Variants in AGBL1 observed in about 807,000 individuals in gnomAD.
AGBL1 encodes the protein AGBL carboxypeptidase 1.
In AGBL1, 130 loss-of-function variants were observed where a neutral mutation model predicts 118.9. The ratio of observed to expected loss-of-function variants is 1.09; its 90% confidence interval spans 0.95 to 1.26. The LOEUF is 1.26. Among genes scored for constraint, AGBL1 ranks in the 50% most tolerant of loss-of-function variants. AGBL1 has a pLI of 0.00. For synonymous variants in AGBL1, 555 were observed against 478.9 expected (o/e 1.16, Z -2.08); for missense variants, 1,584 against 1,298.1 (o/e 1.22, Z -3.38).
chr15:86,856,050 T>C (rs2079475266), intron 22 of AGBL1, among the ~76,000 whole-genome samples: 3 of 152,234 alleles, frequency 2.0e-5, no homozygotes, highest in Non-Finnish European at 4.4e-5. Context: ...ATGTACCCTC[T>C]CACAGTCCCT....
At chr15:86,569,721 A>G (rs2083974283) in intron 21 of AGBL1, among the ~76,000 whole-genome samples, 1 of 152,234 alleles carries the variant, frequency 6.6e-6, no homozygotes, top group Non-Finnish European at 1.5e-5. Context: ...ATAAAAATCA[A>G]GAGGCAGAGA....
intron 22 of AGBL1, among the ~76,000 whole-genome samples, chr15:86,872,586 TCTACTAAAAATAGAAAAAAATTAG>T (rs1423917549): frequency 6.6e-6 from 1 of 151,990 alleles, no homozygotes; most frequent in East Asian, 1.9e-4. Context: ...AAACCCTGTC[TCTACTAAAAATAGAAAAAAATTAG>T]CTGGGTATGG....
intron 21 of AGBL1, among the ~76,000 whole-genome samples, chr15:86,643,508 C>T (rs973208472): frequency 3.0e-4 from 46 of 152,018 alleles, no homozygotes; most frequent in African/African-American, 7.7e-4. Flanking sequence ...AGAAATTTTA[C>T]GTATATTAGC....
At chr15:86,446,671 C>G (rs1487397091) in intron 18 of AGBL1, among the ~76,000 whole-genome samples, 1 of 152,146 alleles carries the variant, frequency 6.6e-6, no homozygotes, top group Admixed American at 6.5e-5. Context: ...GATTTCGACT[C>G]CCCTTAAAGA....
intron 22 of AGBL1, among the ~76,000 whole-genome samples, chr15:86,844,660 T>A (rs2079293653): frequency 6.6e-6 from 1 of 152,178 alleles, no homozygotes; most frequent in Non-Finnish European, 1.5e-5. Flanking sequence ...GTCTGTGGCT[T>A]GCATTTTATT....
intron 22 of AGBL1, among the ~76,000 whole-genome samples, chr15:86,862,547 C>T (rs1373940563): frequency 6.6e-6 from 1 of 152,064 alleles, no homozygotes; most frequent in African/African-American, 2.4e-5. Context: ...TGGTGGAAAC[C>T]CACCTCTACT....
chr15:86,368,282 G>C (rs2080921440), intron 17 of AGBL1, among the ~76,000 whole-genome samples: 1 of 151,848 alleles, frequency 6.6e-6, no homozygotes, highest in Non-Finnish European at 1.5e-5. Context: ...CAGACGGAGG[G>C]AGAGAGATAA....
At chr15:86,513,458 G>C (rs1257860548) in intron 18 of AGBL1, among the ~76,000 whole-genome samples, 1 of 151,944 alleles carries the variant, frequency 6.6e-6, no homozygotes, top group Non-Finnish European at 1.5e-5. Context: ...TGTTAACTTT[G>C]ATCATTTGAA....
At chr15:86,768,547 C>T (rs2078128474) in intron 22 of AGBL1, among the ~76,000 whole-genome samples, 1 of 151,810 alleles carries the variant, frequency 6.6e-6, no homozygotes, top group Non-Finnish European at 1.5e-5. Context: ...GCTTGGGATG[C>T]CTTTACCCTG....
At chr15:86,422,232 A>T (rs1365034273) in intron 18 of AGBL1, among the ~76,000 whole-genome samples, 1 of 152,260 alleles carries the variant, frequency 6.6e-6, no homozygotes, top group Non-Finnish European at 1.5e-5. Flanking sequence ...AAGAATGGAA[A>T]TCATAACAAA....
intron 22 of AGBL1, among the ~76,000 whole-genome samples, chr15:86,767,104 A>G (rs768633096): frequency 3.6e-4 from 54 of 152,070 alleles, no homozygotes; most frequent in Non-Finnish European, 7.4e-4. Context: ...TATTGCTTAA[A>G]TAAGTATCAA....
intron 18 of AGBL1, among the ~76,000 whole-genome samples, chr15:86,506,224 G>T (rs568248421): frequency 5.8e-4 from 88 of 152,086 alleles, no homozygotes; most frequent in Non-Finnish European, 9.1e-4. Flanking sequence ...GGCCTTTTTA[G>T]GTCTTTCCTG....
intron 22 of AGBL1, among the ~76,000 whole-genome samples, chr15:86,676,679 C>T (rs2085854905): frequency 6.6e-6 from 1 of 152,204 alleles, no homozygotes; most frequent in Non-Finnish European, 1.5e-5. Flanking sequence ...CCCTCCTCTC[C>T]TCCTGCCTCT....
intron 21 of AGBL1, among the ~76,000 whole-genome samples, chr15:86,617,431 T>C (rs1192885427): frequency 6.6e-6 from 1 of 152,116 alleles, no homozygotes; most frequent in Non-Finnish European, 1.5e-5. Context: ...TGATTTACAT[T>C]AAAAATATAA....
In AGBL1 at chr15:86,264,492, A is replaced by G; in HGVS notation, c.1321A>G (p.Asn441Asp). 1 of 1,614,004 alleles carries G rather than the reference A, an allele frequency of 6.2e-7. No individual in the cohort carries two copies. The highest frequency in any genetic ancestry group is 1.6e-4 in the Middle Eastern group (1 of 6,062). The change falls in exon 11 of 23, where the codon AAT becomes GAT. Residue 441 changes from asparagine to aspartate, a missense_variant. Transcript: ENST00000614907. ...AAATCCTGGAGTGAACCTGTACCAA[A>G]ATGTGCAATCCAATAGTCTCAGGAG... The part of the protein sequence containing the change: ...KKNPGVNLYQ[N>D]VQSNSLRRDS...
chr15:86,754,486 G>T (rs2077904463), intron 22 of AGBL1, among the ~76,000 whole-genome samples: 1 of 152,078 alleles, frequency 6.6e-6, no homozygotes, highest in Admixed American at 6.5e-5. Context: ...AGTTGTGCAT[G>T]GTTGGGGTTC....
At chr15:86,516,793 C>CAAA (rs3084324) in intron 18 of AGBL1, among the ~76,000 whole-genome samples, 19 of 99,210 alleles carry the variant, frequency 1.9e-4, no homozygotes, top group Non-Finnish European at 3.0e-4. Flanking sequence ...AACTCCATCT[C>CAAA]AAAAAAAAAA....
intron 17 of AGBL1, among the ~76,000 whole-genome samples, chr15:86,340,968 G>A (rs2080452810): frequency 6.6e-6 from 1 of 152,158 alleles, no homozygotes; most frequent in Non-Finnish European, 1.5e-5. Context: ...GGTAGGTGGT[G>A]AAAGTCCCTA....
intron 22 of AGBL1, among the ~76,000 whole-genome samples, chr15:86,713,407 G>T (rs1218439948): frequency 6.6e-6 from 1 of 152,120 alleles, no homozygotes; most frequent in East Asian, 1.9e-4. Context: ...TATTTAAGTT[G>T]ATTTTTAATT....
Sources: allele counts gnomAD v4.1 joint callset (sites outside exome capture counted in the v4.1 genomes callset), GRCh38; gene constraint gnomAD v4.1.1; transcripts MANE v1.5; gene names NCBI Gene and HGNC (gene_info 2026-07-23, HGNC 2026-07-21).